Variants in SPMIP2 observed in about 807,000 individuals in gnomAD.
SPMIP2 encodes protein SPMIP2.
the SPMIP2 span, chr4:158,893,620 GA>G: frequency 1.6e-6 from 2 of 1,249,122 alleles, no homozygotes; most frequent in South Asian, 2.6e-5. Context: ...AGCACTTGTG[GA>G]TTATTATGAT....
At chr4:159,051,964 C>T in the SPMIP2 span, among the ~76,000 whole-genome samples, 1 of 152,182 alleles carries the variant, frequency 6.6e-6, no homozygotes, top group East Asian at 1.9e-4. Flanking sequence ...CCTTGCCCTG[C>T]CCCCACACCC....
chr4:158,896,658 G>T, the SPMIP2 span, among the ~76,000 whole-genome samples: 2 of 152,016 alleles, frequency 1.3e-5, no homozygotes, highest in Non-Finnish European at 2.9e-5. Flanking sequence ...TGTGACGCCT[G>T]TGTTGTTCGG....
At chr4:158,935,133 AAAC>A in the SPMIP2 span, among the ~76,000 whole-genome samples, 1 of 152,134 alleles carries the variant, frequency 6.6e-6, no homozygotes, top group African/African-American at 2.4e-5. Flanking sequence ...CAAACTTTTA[AAAC>A]AATACCCTGT....
At chr4:159,032,993 C>A in the SPMIP2 span, among the ~76,000 whole-genome samples, 1 of 152,102 alleles carries the variant, frequency 6.6e-6, no homozygotes, top group Non-Finnish European at 1.5e-5. Flanking sequence ...AAAGGCTGCA[C>A]ATAAATGTAC....
chr4:158,920,352 G>C, the SPMIP2 span, among the ~76,000 whole-genome samples: 2 of 152,160 alleles, frequency 1.3e-5, no homozygotes, highest in South Asian at 2.1e-4. Context: ...AGGTCTGACT[G>C]CCTGCGGGGT....
the SPMIP2 span, among the ~76,000 whole-genome samples, chr4:158,908,846 C>A: frequency 2.0e-5 from 3 of 152,306 alleles, no homozygotes; most frequent in South Asian, 6.2e-4. Flanking sequence ...GCCACCACAA[C>A]TGGCCAATTT....
At chr4:158,981,034 A>T in the SPMIP2 span, among the ~76,000 whole-genome samples, 1 of 152,228 alleles carries the variant, frequency 6.6e-6, no homozygotes, top group Non-Finnish European at 1.5e-5. Flanking sequence ...GCTGAAAAAC[A>T]TAGCATGAGA....
the SPMIP2 span, among the ~76,000 whole-genome samples, chr4:158,917,566 A>C: frequency 2.6e-5 from 4 of 152,048 alleles, no homozygotes; most frequent in African/African-American, 9.6e-5. Context: ...AAAGACTCAC[A>C]GCCTTTTGCT....
At chr4:159,077,857 T>C in the SPMIP2 span, among the ~76,000 whole-genome samples, 1 of 152,156 alleles carries the variant, frequency 6.6e-6, no homozygotes, top group South Asian at 2.1e-4. Context: ...CAAAGTAATA[T>C]CCTGTCAAAT....
the SPMIP2 span, among the ~76,000 whole-genome samples, chr4:158,935,618 G>C: frequency 1.3e-5 from 2 of 152,170 alleles, no homozygotes; most frequent in South Asian, 2.1e-4. Context: ...AACGATAAAG[G>C]GTTTGGAGTG....
chr4:158,989,422 A>G, the SPMIP2 span, among the ~76,000 whole-genome samples: 1 of 152,234 alleles, frequency 6.6e-6, no homozygotes, highest in African/African-American at 2.4e-5. Flanking sequence ...CACATAGCCA[A>G]GAAAATCTTG....
At chr4:159,060,482 GA>G in the SPMIP2 span, among the ~76,000 whole-genome samples, 2 of 152,294 alleles carry the variant, frequency 1.3e-5, no homozygotes, top group African/African-American at 4.8e-5. Flanking sequence ...GACTACACAG[GA>G]AAAATGATTG....
the SPMIP2 span, among the ~76,000 whole-genome samples, chr4:158,984,872 T>C: frequency 1.3e-5 from 2 of 151,148 alleles, no homozygotes; most frequent in Admixed American, 1.3e-4. Context: ...TCAACAAAAC[T>C]GATACACCGC....
the SPMIP2 span, among the ~76,000 whole-genome samples, chr4:158,910,242 C>T: frequency 2.0e-5 from 3 of 151,884 alleles, no homozygotes; most frequent in Non-Finnish European, 4.4e-5. Context: ...TTTAGTCAAA[C>T]ACTAATCTGG....
the SPMIP2 span, among the ~76,000 whole-genome samples, chr4:158,992,697 T>C: frequency 2.1e-3 from 322 of 152,344 alleles, 2 homozygotes; most frequent in Middle Eastern, 0.031. Context: ...GGCCGCTCTC[T>C]GCTTCTAAGA....
At chr4:158,950,305 G>C in the SPMIP2 span, among the ~76,000 whole-genome samples, 1 of 152,190 alleles carries the variant, frequency 6.6e-6, no homozygotes, top group Non-Finnish European at 1.5e-5. Flanking sequence ...CATGGAGGCA[G>C]CTAGAGGTTT....
At chr4:159,035,903 C>G in the SPMIP2 span, among the ~76,000 whole-genome samples, 11 of 152,220 alleles carry the variant, frequency 7.2e-5, no homozygotes, top group Admixed American at 2.6e-4. Context: ...ATCTTTTTAA[C>G]TCACCACTTC....
At chr4:158,967,845 G>A in the SPMIP2 span, among the ~76,000 whole-genome samples, 6 of 152,276 alleles carry the variant, frequency 3.9e-5, no homozygotes, top group South Asian at 8.3e-4. Flanking sequence ...TTAGAAGAAC[G>A]CATAGAGTTA....
the SPMIP2 span, among the ~76,000 whole-genome samples, chr4:159,036,119 T>G: frequency 6.6e-6 from 1 of 152,356 alleles, no homozygotes; most frequent in East Asian, 1.9e-4. Flanking sequence ...TGAAGATAAA[T>G]TCTAACAGTA....
Sources: allele counts gnomAD v4.1 joint callset (sites outside exome capture counted in the v4.1 genomes callset), GRCh38; gene constraint gnomAD v4.1.1; transcripts MANE v1.5; gene names NCBI Gene and HGNC (gene_info 2026-07-23, HGNC 2026-07-21).